The following SCAF4 variants were observed in gnomAD, a reference collection of about 807,000 sequenced individuals.
SCAF4 encodes the protein SR-related CTD associated factor 4, also known as SR-related and CTD-associated factor 4.
Under a neutral mutation model 129.8 loss-of-function variants are expected in SCAF4, and 25 were observed. That is an observed-to-expected ratio of 0.19 (90% CI 0.14 to 0.27). The LOEUF (loss-of-function observed/expected upper bound fraction) is 0.27. Ranked by LOEUF, SCAF4 falls within the 10% of genes least tolerant of loss-of-function variation. SCAF4 has a pLI of 1.00. For synonymous variants in SCAF4, 551 were observed against 497.7 expected, an observed-to-expected ratio of 1.11 and a Z score of -1.43; for missense variants, 1,246 against 1,457.1, an observed-to-expected ratio of 0.86 and a Z score of 2.36.
chr21:31,704,268 C>CA (rs1367350294), intron 3 of SCAF4, among the ~76,000 whole-genome samples: 6 of 151,956 alleles, frequency 3.9e-5, no homozygotes, highest in African/African-American at 1.4e-4. Flanking sequence ...TCACCCTGCT[C>CA]AAAAAGGTAA....
intron 19 of SCAF4, among the ~76,000 whole-genome samples, chr21:31,682,924 C>A (rs1295849769): frequency 6.6e-6 from 1 of 152,142 alleles, no homozygotes; most frequent in East Asian, 1.9e-4. Context: ...AAACTCATTC[C>A]TCTATAAGGT....
intron 1 of SCAF4, among the ~76,000 whole-genome samples, chr21:31,729,486 G>T (rs1379454890): frequency 6.6e-6 from 1 of 152,208 alleles, no homozygotes; most frequent in Non-Finnish European, 1.5e-5. Flanking sequence ...TAGCTCTACA[G>T]TATTCAGGAC....
chr21:31,717,870 C>CAT (rs1165369054), intron 1 of SCAF4, among the ~76,000 whole-genome samples: 1,743 of 124,778 alleles, frequency 0.014, 27 homozygotes, highest in Middle Eastern at 0.029. Flanking sequence ...CACACACACA[C>CAT]ATATACACAT....
chr21:31,694,702 C>T (rs2050341743), intron 10 of SCAF4, 111 bp downstream of exon 10: 1 of 1,055,238 alleles, frequency 9.5e-7, no homozygotes, highest in Admixed American at 2.0e-5. Context: ...TTAATATGTA[C>T]CCAGGTCTTT....
chr21:31,695,723 G>A (rs537467912), intron 9 of SCAF4, among the ~76,000 whole-genome samples: 4 of 152,220 alleles, frequency 2.6e-5, no homozygotes, highest in East Asian at 1.9e-4. Flanking sequence ...TGCTATGTAT[G>A]CTCCTTTTAT....
chr21:31,712,639 C>T (rs1042769775), intron 1 of SCAF4, among the ~76,000 whole-genome samples: 1 of 151,248 alleles, frequency 6.6e-6, no homozygotes, highest in African/African-American at 2.4e-5. Flanking sequence ...AGTGACTCTC[C>T]TGCCTCAGCC....
At chr21:31,700,961 A>T (rs2050515616) in intron 7 of SCAF4, 34 bp downstream of exon 7, 1 of 1,600,940 alleles carries the variant, frequency 6.2e-7, no homozygotes, top group Non-Finnish European at 8.6e-7. Flanking sequence ...TGAGTGATAT[A>T]AATGGTGGGG....
chr21:31,695,417 A>G (rs1174784682), intron 9 of SCAF4, among the ~76,000 whole-genome samples: 2 of 152,208 alleles, frequency 1.3e-5, no homozygotes, highest in Non-Finnish European at 2.9e-5. Context: ...AATTTCAACT[A>G]ACATACCCAA....
At chr21:31,696,888 T>A in intron 7 of SCAF4, 138 bp from the exon 8 acceptor site, 1 of 690,802 alleles carries the variant, frequency 1.4e-6, no homozygotes, top group South Asian at 2.2e-5. Flanking sequence ...CTTATGCCCC[T>A]CAGGACCTTG....
In SCAF4 at chr21:31,730,705, T is replaced by C. The variant is rs1390246249; in HGVS notation, c.30+958A>G. On this transcript the variant is annotated intron_variant, in intron 1 of 19. Coordinates refer to ENST00000286835, the MANE Select transcript of SCAF4 (RefSeq NM_020706.2). ...CTGTAACTGCATTTTAAATCATCAATGGTCAAGTCTCCTCCTCCCAAATCG... is the reference window on the plus strand; with the variant it reads ...CTGTAACTGCATTTTAAATCATCAACGGTCAAGTCTCCTCCTCCCAAATCG... 3.9e-5 allele frequency among the ~76,000 whole-genome samples: 6 copies of C among 152,216 alleles called. 1 individual carries two copies. Among genetic ancestry groups the C allele is most frequent in the Admixed American group, 3.9e-4 (6 of 15,282 alleles).
At chr21:31,707,250 G>C (rs775254685) in intron 1 of SCAF4, among the ~76,000 whole-genome samples, 2 of 152,176 alleles carry the variant, frequency 1.3e-5, no homozygotes, top group Non-Finnish European at 2.9e-5. Flanking sequence ...CTACTCAGGA[G>C]GCTGAGGCAT....
chr21:31,694,786 T>C (rs1245700040), intron 10 of SCAF4, 27 bp downstream of exon 10: 1 of 1,610,386 alleles, frequency 6.2e-7, no homozygotes, highest in Admixed American at 1.7e-5. Context: ...CAAAAAAAGA[T>C]AAAACTATCT....
intron 1 of SCAF4, among the ~76,000 whole-genome samples, chr21:31,719,786 G>A (rs566345306): frequency 6.6e-6 from 1 of 152,256 alleles, no homozygotes; most frequent in African/African-American, 2.4e-5. Flanking sequence ...TTACAGGCGT[G>A]AGCCACCGCG....
intron 19 of SCAF4, 142 bp from the exon 20 acceptor site, chr21:31,672,496 G>T: frequency 1.4e-6 from 1 of 700,336 alleles, no homozygotes; most frequent in Non-Finnish European, 2.4e-6. Context: ...CACAAACCCA[G>T]TGTGAGGCCT....
intron 12 of SCAF4, among the ~76,000 whole-genome samples, 177 bp from the exon 13 acceptor site, chr21:31,692,626 A>G (rs1439042839): frequency 2.0e-5 from 3 of 152,246 alleles, no homozygotes; most frequent in Admixed American, 1.3e-4. Context: ...GTACTTCCAG[A>G]AAGAGAACTG....
chr21:31,689,826 T>C (rs1300749516), intron 15 of SCAF4, among the ~76,000 whole-genome samples: 1 of 151,538 alleles, frequency 6.6e-6, no homozygotes, highest in Non-Finnish European at 1.5e-5. Context: ...TCCCAGCTAC[T>C]TGGGAGGCTG....
At chr21:31,678,720 ATTCCT>A (rs1237751335) in intron 19 of SCAF4, among the ~76,000 whole-genome samples, 1 of 151,954 alleles carries the variant, frequency 6.6e-6, no homozygotes, top group Admixed American at 6.6e-5. Context: ...CTCACTCTAC[ATTCCT>A]TTCCTCTGTA....
At position 31,729,566 on chromosome 21, in the gene SCAF4, TGGGGAACGAA is replaced by T. The variant is rs1568872872; in HGVS notation, c.30+2087_30+2096del. Among the ~76,000 whole-genome samples the T allele has an allele frequency of 6.6e-3, 999 of 152,304 alleles. 9 individuals carry two copies. Among genetic ancestry groups the T allele is most frequent in the African/African-American group, 0.023 (941 of 41,564 alleles). On this transcript the variant is annotated intron_variant, in intron 1 of 19. Transcript: ENST00000286835. ...CAGATCTCAGAGATTCAAGATTATA[TGGGGAACGAA>T]TCAAGAACATTTCATGAATGGGGAG...
chr21:31,701,007 A>C lies in SCAF4; in HGVS notation c.765T>G (p.Thr255=), dbSNP rs755024585. Residue 255 remains threonine (T), a synonymous_variant, in exon 7 of 20, where the codon ACT becomes ACG. Coordinates refer to ENST00000286835, the MANE Select transcript of SCAF4 (RefSeq NM_020706.2). ...GAGAGAAATATACCTTGTCAAATGCAGTTTTCTGTTCAGGTGGGGGGAAAG... is the reference window on the plus strand; with the variant it reads ...GAGAGAAATATACCTTGTCAAATGCCGTTTTCTGTTCAGGTGGGGGGAAAG... ...KAAFPPPEQK[T]AFDKKLLDRF... The C allele has an allele frequency of 2.9e-5, 46 of 1,613,956 alleles. No homozygotes were observed. The South Asian group carries it at 5.0e-4, about 18-fold the overall frequency.
Sources: allele counts gnomAD v4.1 joint callset (sites outside exome capture counted in the v4.1 genomes callset), GRCh38; gene constraint gnomAD v4.1.1; transcripts MANE v1.5; gene names NCBI Gene and HGNC (gene_info 2026-07-23, HGNC 2026-07-21).